VWC2L: variants seen among roughly 807,000 people sequenced by gnomAD.
VWC2L encodes von Willebrand factor C domain-containing protein 2-like.
VWC2L carries 10 observed loss-of-function variants against 21.6 expected under a neutral mutation model. The ratio of observed to expected loss-of-function variants is 0.46; its 90% CI spans 0.29 to 0.78. The LOEUF is 0.78. Ranked by LOEUF, VWC2L falls within the 30% of genes least tolerant of loss-of-function variation. The pLI is 0.10. For missense variants in VWC2L, 209 were observed against 277.1 expected, an observed-to-expected ratio of 0.75 and a Z score of 1.74; for synonymous variants, 96 against 94.3, an observed-to-expected ratio of 1.02 and a Z score of -0.10.
At chr2:214,566,167 C>G (rs1574640494) in intron 3 of VWC2L, among the ~76,000 whole-genome samples, 1 of 152,104 alleles carries the variant, frequency 6.6e-6, no homozygotes. Flanking sequence ...AAAAACTAAG[C>G]AGATTAAATG....
chr2:214,507,479 T>A (rs960612410), intron 3 of VWC2L, among the ~76,000 whole-genome samples: 3 of 152,120 alleles, frequency 2.0e-5, no homozygotes, highest in Non-Finnish European at 4.4e-5. Context: ...AATAACGCTC[T>A]CCTGACTAGA....
intron 2 of VWC2L, among the ~76,000 whole-genome samples, chr2:214,419,237 T>C (rs1702398829): frequency 1.3e-5 from 2 of 152,204 alleles, no homozygotes; most frequent in African/African-American, 4.8e-5. Context: ...GTAGGTTCTC[T>C]CATCTTTCTT....
chr2:214,487,804 T>C (rs571680470), intron 3 of VWC2L, among the ~76,000 whole-genome samples: 2 of 152,182 alleles, frequency 1.3e-5, no homozygotes, highest in Non-Finnish European at 2.9e-5. Flanking sequence ...TAGGTCATGA[T>C]GTTTTTTGGT....
chr2:214,540,318 C>T (rs190645571), intron 3 of VWC2L, among the ~76,000 whole-genome samples: 1 of 152,212 alleles, frequency 6.6e-6, no homozygotes, highest in East Asian at 1.9e-4. Flanking sequence ...TAACAGAGCA[C>T]CCCATTTTAA....
At chr2:214,455,003 G>A (rs1437032075) in intron 3 of VWC2L, among the ~76,000 whole-genome samples, 1 of 152,028 alleles carries the variant, frequency 6.6e-6, no homozygotes, top group Non-Finnish European at 1.5e-5. Context: ...TTAAAAATTG[G>A]TCATCTAAGC....
intron 3 of VWC2L, among the ~76,000 whole-genome samples, chr2:214,532,791 G>A (rs1454153203): frequency 6.6e-6 from 1 of 152,086 alleles, no homozygotes; most frequent in Non-Finnish European, 1.5e-5. Flanking sequence ...CTCATTTCAG[G>A]TGTTAGAGCA....
At chr2:214,517,332 G>T in intron 3 of VWC2L, among the ~76,000 whole-genome samples, 1 of 152,206 alleles carries the variant, frequency 6.6e-6, no homozygotes, top group East Asian at 1.9e-4. Flanking sequence ...CGGCTACAGG[G>T]TCACTGGACT....
At chr2:214,575,625 G>A (rs746669165) in intron 3 of VWC2L, 47 bp from the exon 4 acceptor site, 19 of 1,600,028 alleles carry the variant, frequency 1.2e-5, no homozygotes, top group Non-Finnish European at 1.5e-5. Flanking sequence ...GGGAGAAAGG[G>A]AGCCTCTCAG....
rs1275837341 is a variant in VWC2L, at chr2:214,577,261, C to T, written c.*1441C>T. ...TTCTGCTCCCCCAACCTGGGCTTTGCCATAGCTCCTGTGGAGAGCCATATT... is the reference window on the plus strand; with the variant it reads ...TTCTGCTCCCCCAACCTGGGCTTTGTCATAGCTCCTGTGGAGAGCCATATT... On this transcript the variant is annotated 3_prime_UTR_variant, in exon 4 of 4. Coordinates refer to ENST00000312504, the MANE Select transcript of VWC2L (RefSeq NM_001080500.4). 1 of 152,208 alleles carries T rather than the reference C, an allele frequency of 6.6e-6. No homozygotes were observed. The highest frequency in any genetic ancestry group is 1.5e-5 in the Non-Finnish European group (1 of 68,084). 9.4% of individuals were successfully genotyped at this position (152,208 alleles called of 1,614,324 possible). A position where few individuals can be genotyped will look rare whatever the true frequency, so the allele number is the denominator to read the frequency against.
chr2:214,526,493 C>G (rs1574617532), intron 3 of VWC2L, among the ~76,000 whole-genome samples: 1 of 152,118 alleles, frequency 6.6e-6, no homozygotes, highest in African/African-American at 2.4e-5. Context: ...AGAGTAAAAC[C>G]ACAGCCTGCT....
intron 3 of VWC2L, among the ~76,000 whole-genome samples, chr2:214,503,549 C>G (rs1462370949): frequency 1.3e-5 from 2 of 152,060 alleles, no homozygotes; most frequent in Non-Finnish European, 2.9e-5. Context: ...GTTCTCAAAA[C>G]TTAGAAAGCA....
chr2:214,486,190 A>C (rs1688670044), intron 3 of VWC2L, among the ~76,000 whole-genome samples: 1 of 152,194 alleles, frequency 6.6e-6, no homozygotes, highest in Non-Finnish European at 1.5e-5. Flanking sequence ...GGAATGTCAC[A>C]GATACTATCA....
intron 2 of VWC2L, among the ~76,000 whole-genome samples, chr2:214,422,515 G>A (rs943385050): frequency 1.3e-5 from 2 of 152,144 alleles, no homozygotes; most frequent in Non-Finnish European, 1.5e-5. Flanking sequence ...GTATTTTTTA[G>A]TTGTCTTTTA....
intron 3 of VWC2L, among the ~76,000 whole-genome samples, chr2:214,558,995 A>G (rs55713114): frequency 0.041 from 6,178 of 150,572 alleles, 456 homozygotes; most frequent in African/African-American, 0.15. Flanking sequence ...AGCATTAGGT[A>G]TATCTCCCAA....
At chr2:214,463,894 GCTCA>G (rs897750076) in intron 3 of VWC2L, among the ~76,000 whole-genome samples, 7 of 151,764 alleles carry the variant, frequency 4.6e-5, no homozygotes, top group Non-Finnish European at 7.4e-5. Flanking sequence ...CTTGTCTCAA[GCTCA>G]CTACTTCTTC....
intron 3 of VWC2L, among the ~76,000 whole-genome samples, chr2:214,501,780 C>T (rs930267930): frequency 6.6e-6 from 1 of 151,096 alleles, no homozygotes; most frequent in Non-Finnish European, 1.5e-5. Context: ...CTTAAAAAGG[C>T]TACTTGCTGC....
Position 214,538,583 on chromosome 2 carries a change from T to A in VWC2L, c.521-37089T>A. On this transcript the variant is annotated intron_variant, in intron 3 of 3. Coordinates refer to ENST00000312504, the MANE Select transcript of VWC2L (RefSeq NM_001080500.4). ...AAGAATGCAAACAGATTCTCCAAGT[T>A]TATAGTATAATTTTTGTATATTAAT... is the stretch of plus-strand genomic sequence containing the variant. 1.6e-5 allele frequency among the ~76,000 whole-genome samples: 2 copies of A among 122,054 alleles called. 1 individual carries two copies. The highest frequency in any genetic ancestry group is 8.6e-3 in the Middle Eastern group (2 of 232). The allele number at this position is 122,054 out of a possible 152,430, so 80.1% of individuals were successfully genotyped here.
intron 3 of VWC2L, among the ~76,000 whole-genome samples, chr2:214,563,174 G>A (rs1407691359): frequency 6.6e-6 from 1 of 151,998 alleles, no homozygotes; most frequent in Non-Finnish European, 1.5e-5. Flanking sequence ...TCTGCATGTG[G>A]CTAGCCAATT....
chr2:214,567,156 C>G (rs1003610771), intron 3 of VWC2L, among the ~76,000 whole-genome samples: 1 of 152,152 alleles, frequency 6.6e-6, no homozygotes, highest in African/African-American at 2.4e-5. Context: ...CCAAAAATTG[C>G]TATACTCAAA....
Sources: allele counts gnomAD v4.1 joint callset (sites outside exome capture counted in the v4.1 genomes callset), GRCh38; gene constraint gnomAD v4.1.1; transcripts MANE v1.5; gene names NCBI Gene and HGNC (gene_info 2026-07-23, HGNC 2026-07-21).